TENM3: variants seen among roughly 807,000 people sequenced by gnomAD.
TENM3 encodes the protein teneurin transmembrane protein 3.
Under a neutral mutation model 255.1 loss-of-function variants are expected in TENM3, and 63 were observed. The ratio of observed to expected loss-of-function variants is 0.25; its 90% CI spans 0.20 to 0.30. TENM3 has a LOEUF of 0.30. Among genes scored for constraint, TENM3 ranks in the 10% least tolerant of loss-of-function variants. The probability of loss-of-function intolerance (pLI) is 1.00; values close to 1 mark genes in which losing one functional copy is unlikely to be tolerated. For missense variants in TENM3, 2,929 were observed against 3,461.1 expected (o/e 0.85, Z 3.86); for synonymous variants, 1,306 against 1,322.3 (o/e 0.99, Z 0.27).
chr4:182,604,985 T>C (rs1748267086), intron 4 of TENM3, among the ~76,000 whole-genome samples: 1 of 152,224 alleles, frequency 6.6e-6, no homozygotes, highest in African/African-American at 2.4e-5. Context: ...AGATATTGTT[T>C]ACTAAACTAA....
intron 22 of TENM3, among the ~76,000 whole-genome samples, chr4:182,767,809 G>A (rs1276816955): frequency 6.6e-6 from 1 of 152,134 alleles, no homozygotes; most frequent in South Asian, 2.1e-4. Flanking sequence ...AGGAAGACCC[G>A]AGGAAGGCCC....
the TENM3 span, among the ~76,000 whole-genome samples, chr4:181,782,698 T>C: frequency 6.6e-6 from 1 of 152,224 alleles, no homozygotes; most frequent in Non-Finnish European, 1.5e-5. Flanking sequence ...CTCTAGTTCT[T>C]TTAATTGTGA....
the TENM3 span, among the ~76,000 whole-genome samples, chr4:181,574,777 G>C: frequency 6.6e-6 from 1 of 152,058 alleles, no homozygotes; most frequent in Non-Finnish European, 1.5e-5. Context: ...GGCTAACTTA[G>C]GAATGATTTA....
the TENM3 span, among the ~76,000 whole-genome samples, chr4:181,958,150 G>A: frequency 4.6e-5 from 7 of 152,230 alleles, no homozygotes; most frequent in Admixed American, 4.6e-4. Flanking sequence ...CTTAAAATGG[G>A]AATTTTAAAA....
the TENM3 span, among the ~76,000 whole-genome samples, chr4:181,728,648 A>T: frequency 6.6e-6 from 1 of 152,112 alleles, no homozygotes; most frequent in Non-Finnish European, 1.5e-5. Flanking sequence ...TTTCATCACC[A>T]TCTTGGCTTG....
the TENM3 span, among the ~76,000 whole-genome samples, chr4:181,552,853 T>G: frequency 6.6e-6 from 1 of 152,210 alleles, no homozygotes; most frequent in Admixed American, 6.5e-5. Flanking sequence ...AAAACTGGCT[T>G]ATTTACAAGA....
intron 1 of TENM3, among the ~76,000 whole-genome samples, chr4:182,217,602 G>A (rs541384621): frequency 6.6e-6 from 1 of 152,196 alleles, no homozygotes; most frequent in African/African-American, 2.4e-5. Flanking sequence ...TGTGAGATGG[G>A]TAACATTATA....
chr4:181,924,359 G>A, the TENM3 span, among the ~76,000 whole-genome samples: 1 of 152,110 alleles, frequency 6.6e-6, no homozygotes, highest in Non-Finnish European at 1.5e-5. Context: ...GGAGTCTTGT[G>A]TTTTGTGCCA....
chr4:181,920,818 T>C, the TENM3 span, among the ~76,000 whole-genome samples: 1 of 152,130 alleles, frequency 6.6e-6, no homozygotes, highest in African/African-American at 2.4e-5. Context: ...CATGCCTATG[T>C]CCTGAATGGT....
At chr4:181,865,300 T>G in the TENM3 span, among the ~76,000 whole-genome samples, 1 of 152,232 alleles carries the variant, frequency 6.6e-6, no homozygotes, top group East Asian at 1.9e-4. Flanking sequence ...CCTGGAGATT[T>G]TACATTTTAT....
At chr4:182,349,923 A>G in intron 3 of TENM3, 1 of 271,456 alleles carries the variant, frequency 3.7e-6, no homozygotes, top group Non-Finnish European at 7.2e-6. Context: ...CACCAAAAGG[A>G]AACGAATTTA....
At chr4:182,397,847 A>G (rs186460011) in intron 3 of TENM3, among the ~76,000 whole-genome samples, 1 of 152,216 alleles carries the variant, frequency 6.6e-6, no homozygotes, top group Admixed American at 6.5e-5. Context: ...GGACCATACT[A>G]TGAGGACCAC....
chr4:181,715,340 G>C, the TENM3 span, among the ~76,000 whole-genome samples: 1 of 152,134 alleles, frequency 6.6e-6, no homozygotes. Context: ...GTACTGCAGT[G>C]AATAGCCTTG....
chr4:181,894,522 C>T, the TENM3 span, among the ~76,000 whole-genome samples: 2 of 152,148 alleles, frequency 1.3e-5, no homozygotes, highest in Non-Finnish European at 2.9e-5. Context: ...GTGACATTAT[C>T]TTACTACTGT....
chr4:182,285,506 T>C (rs964972125), intron 1 of TENM3, among the ~76,000 whole-genome samples: 1 of 152,188 alleles, frequency 6.6e-6, no homozygotes, highest in Non-Finnish European at 1.5e-5. Context: ...AGTTCTCAGC[T>C]ATCTGGGTAG....
chr4:182,269,127 G>A (rs1159561211), intron 1 of TENM3, among the ~76,000 whole-genome samples: 1 of 152,162 alleles, frequency 6.6e-6, no homozygotes, highest in African/African-American at 2.4e-5. Flanking sequence ...TCTTGAAATG[G>A]ACAGTTCGGA....
the TENM3 span, among the ~76,000 whole-genome samples, chr4:182,100,536 T>C: frequency 3.3e-4 from 40 of 121,550 alleles, no homozygotes; most frequent in Middle Eastern, 5.0e-3. Context: ...TATACACACA[T>C]ATATATATAC....
At chr4:181,926,582 T>G in the TENM3 span, among the ~76,000 whole-genome samples, 1 of 152,122 alleles carries the variant, frequency 6.6e-6, no homozygotes, top group Non-Finnish European at 1.5e-5. Context: ...TTGTTGTTGT[T>G]GTTGTTTTAA....
Position 182,755,165 on chromosome 4 carries a change from G to A in TENM3, c.4798G>A (p.Ala1600Thr). The A allele has an allele frequency of 6.2e-7, 1 of 1,613,878 alleles. No individual in the cohort carries two copies. The highest frequency in any genetic ancestry group is 1.6e-4 in the Middle Eastern group (1 of 6,062). The change falls in exon 22 of 28, where the codon GCT becomes ACT. Residue 1600 changes from alanine (A) to threonine (T), a missense_variant. Physicochemically the swap from Ala to Thr is moderately conservative, Grantham distance 58. Coordinates refer to ENST00000511685, the MANE Select transcript of TENM3 (RefSeq NM_001080477.4). ...AAATGGATGTTTGAAAAGCATGACT[G>A]CTCAAGGACTGGAATTAGTTTTGTT... The part of the protein sequence containing the change: ...GTNGCLKSMT[A>T]QGLELVLFTY...
Sources: gnomAD v4.1 joint callset for allele counts (sites outside exome capture counted in the v4.1 genomes callset) on GRCh38, gnomAD v4.1.1 for gene constraint, MANE v1.5 for transcripts, NCBI Gene and HGNC (gene_info 2026-07-23, HGNC 2026-07-21) for gene names.